WIZ: variants seen among roughly 807,000 people sequenced by gnomAD.
WIZ encodes the protein protein Wiz.
In WIZ, 25 loss-of-function variants were observed where a neutral mutation model predicts 140.2. The ratio of observed to expected loss-of-function variants is 0.18; its 90% CI spans 0.13 to 0.25. WIZ has a LOEUF of 0.25. WIZ is among the 10% of genes least tolerant of loss of function. WIZ has a pLI of 1.00. For missense variants in WIZ, 2,231 were observed against 2,632.6 expected (o/e 0.85, Z 3.34); for synonymous variants, 1,125 against 1,154.3 (o/e 0.97, Z 0.51).
At chr19:15,447,263 AG>A (rs1332749554) in intron 2 of WIZ, among the ~76,000 whole-genome samples, 3 of 152,100 alleles carry the variant, frequency 2.0e-5, no homozygotes, top group Non-Finnish European at 4.4e-5. Flanking sequence ...TCCCCACCAC[AG>A]GGCCTTTGCA....
At position 15,440,415 on chromosome 19, in the gene WIZ, C is replaced by T. The variant is rs542329207; in HGVS notation, c.579G>A (p.Gln193=). The T allele has an allele frequency of 1.4e-5, 21 of 1,535,952 alleles. No individual in the cohort carries two copies. In the East Asian group the frequency reaches 3.7e-4, roughly 27 times the overall value. ...GCAGCCCTGCGTCCTGGGGGGATCC[C>T]TGCTCGTCCTCATCTTGGAGCCAGT... ...RFDWLQDEDE[Q]GSPQDAGLHL... is the part of the protein sequence containing the mutation. The change falls in exon 4 of 13, where the codon CAG becomes CAA. Residue 193 remains glutamine (Q), a synonymous_variant. Transcript: ENST00000673675. This position sits in a 1 kb window ranked among gnomAD's most constrained non-coding sequence, Gnocchi z 6.2.
chr19:15,440,611 G>A lies in WIZ; in HGVS notation c.383C>T (p.Pro128Leu). Residue 128 changes from proline to leucine, a missense_variant, in exon 4 of 13, where the codon CCC (proline) becomes CTC (leucine). Physicochemically the swap from Pro to Leu is moderately conservative, Grantham distance 98. Around this residue, in one of 15 missense-constraint regions of WIZ, gnomAD observed 307 missense variants for 294.1 expected, o/e 1.04. Transcript: ENST00000673675. The surrounding 1 kb of genome is among the most constrained non-coding windows in gnomAD (Gnocchi z 6.2). ...GCCCTCCCCAGCCTCCTGGACAAGG[G>A]GGTGCTCCCAGGGCCCCCGGCCATC... ...TPDGRGPWEH[P>L]LVQEAGEGIL... 6.5e-7 allele frequency: 1 copy of A among 1,535,204 alleles called. No individual in the cohort carries two copies. Among genetic ancestry groups the A allele is most frequent in the Non-Finnish European group, 8.7e-7 (1 of 1,146,168 alleles).
chr19:15,443,272 A>C (rs1206057239), intron 2 of WIZ, among the ~76,000 whole-genome samples: 1 of 152,170 alleles, frequency 6.6e-6, no homozygotes, highest in Non-Finnish European at 1.5e-5. Context: ...GCGTTTCGCC[A>C]TGTTGGCCAG....
Position 15,448,540 on chromosome 19 carries a change from G to A in WIZ, c.-60-173C>T, listed in dbSNP as rs1211571966. Among the ~76,000 whole-genome samples the A allele has an allele frequency of 2.6e-5, 4 of 151,782 alleles. No individual in the cohort carries two copies. The East Asian group carries it at 7.8e-4, about 30-fold the overall frequency. On this transcript the variant is annotated intron_variant, in intron 1 of 12. Coordinates refer to ENST00000673675, the MANE Select transcript of WIZ (RefSeq NM_001371589.1). ...TTTCCACACACCTTCTATCCCAATG[G>A]CCCCTACCCTCAGCATGCCTCCGTC...
At chr19:15,423,585 A>G (rs11085952) in intron 12 of WIZ, among the ~76,000 whole-genome samples, 9 of 151,988 alleles carry the variant, frequency 5.9e-5, no homozygotes, top group East Asian at 1.9e-4. Flanking sequence ...CAAGCCCCCC[A>G]CCTCCTCCTG....
In WIZ at chr19:15,440,067, G is replaced by A. The variant is rs1405399321; in HGVS notation, c.927C>T (p.Asp309=). 13 of 1,535,662 alleles carry A rather than the reference G, an allele frequency of 8.5e-6. No homozygotes were observed. Among genetic ancestry groups the A allele is most frequent in the South Asian group, 6.0e-5 (5 of 84,030 alleles). The change falls in exon 4 of 13, where the codon GAC becomes GAT. Residue 309 remains aspartate (D), a synonymous_variant. Transcript: ENST00000673675. This position sits in a 1 kb window ranked among gnomAD's most constrained non-coding sequence, Gnocchi z 6.2. ...TGCATGGGAACACGGCCGGCTCCTC[G>A]TCCTCGTCCTCATCTGGGCTGGCCA... is the stretch of plus-strand genomic sequence containing the variant. The part of the protein sequence containing the change: ...EGVASPDEDE[D]EEPAVFPCIE...
intron 1 of WIZ, among the ~76,000 whole-genome samples, chr19:15,448,999 C>T (rs1970016454): frequency 6.6e-6 from 1 of 151,914 alleles, no homozygotes; most frequent in South Asian, 2.1e-4. Flanking sequence ...TTAACCCTTT[C>T]GCTTCTCCCC....
At chr19:15,429,325 C>G (rs2145269217) in intron 7 of WIZ, among the ~76,000 whole-genome samples, 1 of 152,330 alleles carries the variant, frequency 6.6e-6, no homozygotes, top group South Asian at 2.1e-4. Flanking sequence ...CGAGCATGAC[C>G]CTGGCAGGCT....
At chr19:15,444,835 C>G (rs1047411102) in intron 2 of WIZ, among the ~76,000 whole-genome samples, 1 of 152,166 alleles carries the variant, frequency 6.6e-6, no homozygotes, top group Non-Finnish European at 1.5e-5. Flanking sequence ...GGGCATCCTG[C>G]TTTTGAGGTT....
At position 15,425,643 on chromosome 19, in the gene WIZ, C is replaced by T. The variant is rs766342614; in HGVS notation, c.4492G>A (p.Val1498Ile). 2.9e-5 allele frequency: 46 copies of T among 1,613,482 alleles called. No individual in the cohort carries two copies. The highest frequency in any genetic ancestry group is 3.5e-5 in the Non-Finnish European group (41 of 1,179,940). The stretch of plus-strand genomic sequence containing the variant: ...AGTGTGTCGATGGGCGAACCATTGA[C>T]GGACCACTCGGTCACACCCATCTGC... ...LRQMGVTEWSVNGSPIDTLRE... is the reference protein window; with the variant it reads ...LRQMGVTEWSINGSPIDTLRE... Residue 1498 changes from valine (V) to isoleucine (I), a missense_variant, in exon 10 of 13, where the codon GTC becomes ATC. Val to Ile is a conservative substitution (Grantham distance 29). Transcript: ENST00000673675.
intron 2 of WIZ, among the ~76,000 whole-genome samples, chr19:15,447,448 G>A (rs1221972340): frequency 1.3e-5 from 2 of 152,246 alleles, no homozygotes; most frequent in African/African-American, 4.8e-5. Context: ...TTAGTTGCTT[G>A]TTGTCCATTT....
At chr19:15,449,498 G>A (rs1970037686) in intron 1 of WIZ, 6 of 152,424 alleles carry the variant, frequency 3.9e-5, no homozygotes, top group Admixed American at 3.9e-4. Flanking sequence ...CAGAGGTGGG[G>A]GCTGCGCCGC....
rs752923462 is a variant in WIZ at position 15,429,855 on chromosome 19, C to G, written c.3146G>C (p.Gly1049Ala). ...KSSSLKEVVA[G>A]APRPGLLSLA... is the part of the protein sequence containing the mutation. ...GCTGAGCAAGCCGGGCCGGGGGGCC[C>G]CGGCGACCACCTCCTTCAGTGAGCT... The change falls in exon 7 of 13, where the codon GGG becomes GCG. Residue 1049 changes from glycine (G) to alanine (A), a missense_variant. By Grantham distance (60) the Gly-to-Ala change is moderately conservative (BLOSUM62 0). Transcript: ENST00000673675. The G allele has an allele frequency of 6.5e-7, 1 of 1,530,068 alleles. No homozygotes were observed. The highest frequency in any genetic ancestry group is 8.8e-7 in the Non-Finnish European group (1 of 1,142,702). The allele number at this position is 1,530,068 out of a possible 1,614,324, so 94.8% of individuals were successfully genotyped here. A position where few individuals can be genotyped will look rare whatever the true frequency, so the allele number is the denominator to read the frequency against.
In WIZ at chr19:15,420,603, T is replaced by C. The variant is rs750223803; in HGVS notation, c.*2473A>G. 9 of 152,196 alleles carry C rather than the reference T, an allele frequency of 5.9e-5. No individual in the cohort carries two copies. Among genetic ancestry groups the C allele is most frequent in the Non-Finnish European group, 8.8e-5 (6 of 68,044 alleles). 9.4% of individuals were successfully genotyped at this position (152,196 alleles called of 1,614,324 possible). A position where few individuals can be genotyped will look rare whatever the true frequency, so the allele number is the denominator to read the frequency against. ...AGACCACGGCTCAAAAGCTGAGACT[T>C]TGCTGCCTGAGGTGTATTGAAGTGG... is the stretch of plus-strand genomic sequence containing the variant. On this transcript the variant is annotated 3_prime_UTR_variant, in exon 13 of 13. Transcript: ENST00000673675.
rs1487473776 is a variant in WIZ, at chr19:15,436,986, G to A, written c.2560C>T (p.Pro854Ser). The A allele has an allele frequency of 1.2e-6, 2 of 1,613,838 alleles. No homozygotes were observed. Among genetic ancestry groups the A allele is most frequent in the Non-Finnish European group, 1.7e-6 (2 of 1,179,852 alleles). ...AGCAGCTCCTGCAGGATGTTGATGGGTGAGACAGTGAGCTCCCAGTTGGTG... is the reference window on the plus strand; with the variant it reads ...AGCAGCTCCTGCAGGATGTTGATGGATGAGACAGTGAGCTCCCAGTTGGTG... ...GITNWELTVS[P>S]INILQELLAT... Residue 854 changes from proline to serine, a missense_variant, in exon 5 of 13, where the codon CCC (proline) becomes TCC (serine). Transcript: ENST00000673675.
At chr19:15,435,282 G>A (rs1460340904) in intron 5 of WIZ, among the ~76,000 whole-genome samples, 1 of 151,844 alleles carries the variant, frequency 6.6e-6, no homozygotes, top group African/African-American at 2.4e-5. Context: ...CTTACATTGA[G>A]GCATAAATGA....
chr19:15,444,659 G>T (rs1012163576), intron 2 of WIZ, among the ~76,000 whole-genome samples: 4 of 152,222 alleles, frequency 2.6e-5, no homozygotes, highest in Admixed American at 6.5e-5. Context: ...TAGGATGGGG[G>T]TGTTGGAGAG....
At chr19:15,448,893 C>G (rs1599721846) in intron 1 of WIZ, among the ~76,000 whole-genome samples, 1 of 152,192 alleles carries the variant, frequency 6.6e-6, no homozygotes, top group Middle Eastern at 3.4e-3. Context: ...TGCACTTTTC[C>G]CACACTCCAA....
rs1306900087 is a variant in WIZ at position 15,420,850 on chromosome 19, C to T, written c.*2226G>A. On this transcript the variant is annotated 3_prime_UTR_variant, in exon 13 of 13. Transcript: ENST00000673675. ...TTCAAAAACTGACTTACGGGCCGGG[C>T]ATAGTGGCTCACGCCTGTAATCCCA... The T allele has an allele frequency of 6.6e-6, 1 of 152,272 alleles. No homozygotes were observed. The highest frequency in any genetic ancestry group is 1.5e-5 in the Non-Finnish European group (1 of 68,086). The allele number at this position is 152,272 out of a possible 1,614,324, so 9.4% of individuals were successfully genotyped here.
Sources: gnomAD v4.1 joint callset for allele counts (sites outside exome capture counted in the v4.1 genomes callset) on GRCh38, gnomAD v4.1.1 for gene constraint, gnomAD v4.1.1 regional missense constraint, Gnocchi (gnomAD v3.1) non-coding constraint, MANE v1.5 for transcripts, NCBI Gene and HGNC (gene_info 2026-07-23, HGNC 2026-07-21) for gene names.